Variants in BAIAP3 observed in about 807,000 individuals in gnomAD.
BAIAP3 encodes the protein BAI1-associated protein 3.
BAIAP3 carries 180 observed loss-of-function variants against 149.7 expected under a neutral mutation model. The ratio of observed to expected loss-of-function variants is 1.20; its 90% CI spans 1.07 to 1.36. The LOEUF (loss-of-function observed/expected upper bound fraction) is 1.36. BAIAP3 is among the 40% of genes most tolerant of loss of function. The pLI is 0.00. For missense variants in BAIAP3, 1,767 were observed against 1,563.4 expected (o/e 1.13, Z -2.20); for synonymous variants, 845 against 670.7 (o/e 1.26, Z -4.02).
At chr16:1,345,484 A>G (rs1344748410) in intron 22 of BAIAP3, 112 bp downstream of exon 22, 2 of 944,568 alleles carry the variant, frequency 2.1e-6, no homozygotes, top group Non-Finnish European at 1.3e-6. Flanking sequence ...CCGCCTCCCC[A>G]GCCTCCCCCT....
chr16:1,334,055 C>A (rs2033298456), intron 1 of BAIAP3, among the ~76,000 whole-genome samples: 1 of 151,798 alleles, frequency 6.6e-6, no homozygotes, highest in Admixed American at 6.6e-5. Context: ...GCGCTGGCGA[C>A]GGCCTCCCCC....
At position 1,342,551 on chromosome 16, in the gene BAIAP3, C is replaced by T. The variant is rs750754024; in HGVS notation, c.982C>T (p.Arg328Cys). 14 of 1,553,798 alleles carry T rather than the reference C, an allele frequency of 9.0e-6. No individual in the cohort carries two copies. Among genetic ancestry groups the T allele is most frequent in the South Asian group, 3.5e-5 (3 of 84,558 alleles). The part of the protein sequence containing the change: ...VREVPVAGVD[R>C]WFKLEPRSSA... ...GGAGGTGCCTGTGGCTGGCGTCGAC[C>T]GCTGGTTCAAGCTGGAGCCACGCTC... Residue 328 changes from arginine (R) to cysteine (C), a missense_variant, in exon 12 of 34, where the codon CGC (arginine) becomes TGC (cysteine). Physicochemically the swap from Arg to Cys is radical, Grantham distance 180 (BLOSUM62 -3). Transcript: ENST00000426824.
intron 1 of BAIAP3, among the ~76,000 whole-genome samples, chr16:1,337,784 C>T (rs572887560): frequency 3.2e-4 from 49 of 152,328 alleles, no homozygotes; most frequent in Middle Eastern, 3.4e-3. Context: ...GCCCCTACAC[C>T]CGGCATTTTC....
In BAIAP3 at chr16:1,339,561, C is replaced by T. The variant is rs1334800128; in HGVS notation, c.366C>T (p.Asp122=). 4 of 1,612,652 alleles carry T rather than the reference C, an allele frequency of 2.5e-6. No homozygotes were observed. Among genetic ancestry groups the T allele is most frequent in the Admixed American group, 1.7e-5 (1 of 59,982 alleles). The part of the protein sequence containing the change: ...VLYRAGTMGP[D]QVDDEEALLS... ...ACCGCGCGGGTACCATGGGCCCTGA[C>T]CAGGTGGACGACGAGGAGGCCCTGC... Residue 122 remains aspartate, a synonymous_variant, in exon 5 of 34, where the codon GAC becomes GAT. Coordinates refer to ENST00000426824, the MANE Select transcript of BAIAP3 (RefSeq NM_001199097.2).
intron 1 of BAIAP3, chr16:1,334,580 C>G (rs1567154137): frequency 1.5e-6 from 2 of 1,374,106 alleles, no homozygotes; most frequent in Non-Finnish European, 2.0e-6. Context: ...GCGGCTGGAC[C>G]TTGGCAGCCG....
At chr16:1,333,782 GGCC>G (rs1308844638) in intron 1 of BAIAP3, 33 bp downstream of exon 1, 1 of 151,976 alleles carries the variant, frequency 6.6e-6, no homozygotes, top group African/African-American at 2.4e-5. Flanking sequence ...AGTGCTGTTG[GGCC>G]GCCGTCTGGG....
intron 9 of BAIAP3, 26 bp from the exon 10 acceptor site, chr16:1,341,960 G>A: frequency 6.3e-7 from 1 of 1,584,214 alleles, no homozygotes; most frequent in Non-Finnish European, 8.6e-7. Context: ...CTCCAGACAA[G>A]CCAGGTCCTC....
At position 1,342,875 on chromosome 16, in the gene BAIAP3, C is replaced by T. The variant is rs1260835523; in HGVS notation, c.1162-38C>T. 6 of 1,611,712 alleles carry T rather than the reference C, an allele frequency of 3.7e-6. No individual in the cohort carries two copies. In the African/African-American group the frequency reaches 8.0e-5, roughly 22 times the overall value. On this transcript the variant is annotated intron_variant, in intron 13 of 33. Transcript: ENST00000426824. ...GGGGGCCTGAGGAGGGGATGTGGGG[C>T]TGTCCCGCCTCCACCCACGACAGAC...
rs1312138541 is a variant in BAIAP3, at chr16:1,349,000, G to C, written c.*518G>C. ...GGGCAGGTGAGTCAAGAACCGCATA[G>C]GTCTCCAGTCCCCACGGGGCTCCCA... On this transcript the variant is annotated 3_prime_UTR_variant, in exon 34 of 34. Transcript: ENST00000426824. 8 of 280,352 alleles carry C rather than the reference G, an allele frequency of 2.9e-5. No individual in the cohort carries two copies. Among genetic ancestry groups the C allele is most frequent in the Admixed American group, 1.0e-4 (2 of 19,836 alleles). 17.4% of individuals were successfully genotyped at this position (280,352 alleles called of 1,614,324 possible).
In BAIAP3 at chr16:1,339,674, A is replaced by G. The variant is rs945365408; in HGVS notation, c.408+71A>G. On this transcript the variant is annotated intron_variant, in intron 5 of 33. Coordinates refer to ENST00000426824, the MANE Select transcript of BAIAP3 (RefSeq NM_001199097.2). ...CTCAACCCCTTCCCCACCCACTGAC[A>G]CCATCATCACCCAAACAGTATGCAG... The G allele has an allele frequency of 2.2e-5, 26 of 1,176,742 alleles. No homozygotes were observed. In the Admixed American group the frequency reaches 4.9e-4, roughly 22 times the overall value. The allele number at this position is 1,176,742 out of a possible 1,614,324, so 72.9% of individuals were successfully genotyped here.
In BAIAP3 at chr16:1,341,848, A is replaced by G. The variant is rs943913519; in HGVS notation, c.758A>G (p.Gln253Arg). The G allele has an allele frequency of 6.2e-7, 1 of 1,612,424 alleles. No homozygotes were observed. The highest frequency in any genetic ancestry group is 8.5e-7 in the Non-Finnish European group (1 of 1,179,786). The change falls in exon 9 of 34, where the codon CAG becomes CGG. Residue 253 changes from glutamine (Q) to arginine (R), a missense_variant. By Grantham distance (43) the Gln-to-Arg change is conservative (BLOSUM62 1). Coordinates refer to ENST00000426824, the MANE Select transcript of BAIAP3 (RefSeq NM_001199097.2). ...LFEIEDVSTD[Q>R]LHLDIWDHDD... is the part of the protein sequence containing the mutation. ...GAGATTGAGGATGTGAGCACGGACC[A>G]GCTGCACCTGGACATCTGGTACAGG... is the stretch of plus-strand genomic sequence containing the variant.
chr16:1,336,308 C>T (rs2033452970), intron 1 of BAIAP3: 2 of 985,304 alleles, frequency 2.0e-6, no homozygotes, highest in South Asian at 9.4e-5. Flanking sequence ...GTGGGGGTGA[C>T]AGCTTCCAGA....
chr16:1,338,075 C>T (rs774917969), intron 1 of BAIAP3, among the ~76,000 whole-genome samples: 4 of 152,186 alleles, frequency 2.6e-5, no homozygotes, highest in African/African-American at 9.6e-5. Flanking sequence ...ACCTGGCATC[C>T]GTCCTGGCCC....
Position 1,341,808 on chromosome 16 carries a change from T to C in BAIAP3, c.732-14T>C, listed in dbSNP as rs753462316. ...CGCCGGGGACCCTCATGGGCATCTC[T>C]GTTCTCCTTGTAGCGAGATTGAGGA... On this transcript the variant is annotated splice_polypyrimidine_tract_variant and intron_variant, in intron 8 of 33. Coordinates refer to ENST00000426824, the MANE Select transcript of BAIAP3 (RefSeq NM_001199097.2). 146 of 1,611,824 alleles carry C rather than the reference T, an allele frequency of 9.1e-5. No individual in the cohort carries two copies. Among genetic ancestry groups the C allele is most frequent in the Non-Finnish European group, 1.2e-4 (141 of 1,179,546 alleles).
At position 1,346,854 on chromosome 16, in the gene BAIAP3, G is replaced by A. The variant is rs1481782233; in HGVS notation, c.2650G>A (p.Glu884Lys). ...ACTGATGCTGCCCTGCAGGGTGCTGGAGGCCCTGTGGGAGCTACTCCTCCA... is the reference window on the plus strand; with the variant it reads ...ACTGATGCTGCCCTGCAGGGTGCTGAAGGCCCTGTGGGAGCTACTCCTCCA... ...LVKGNLSRVL[E>K]ALWELLLQAI... Residue 884 changes from glutamate to lysine, a missense_variant, in exon 28 of 34, where the codon GAG becomes AAG. Coordinates refer to ENST00000426824, the MANE Select transcript of BAIAP3 (RefSeq NM_001199097.2). 1 of 1,603,238 alleles carries A rather than the reference G, an allele frequency of 6.2e-7. No homozygotes were observed. The highest frequency in any genetic ancestry group is 2.2e-5 in the East Asian group (1 of 44,670).
rs116274850 is a variant in BAIAP3, at chr16:1,346,908, C to T, written c.2704C>T (p.Arg902Cys). The T allele has an allele frequency of 5.0e-4, 798 of 1,611,568 alleles. No homozygotes were observed. Among genetic ancestry groups the T allele is most frequent in the Admixed American group, 1.3e-3 (76 of 59,958 alleles). The change falls in exon 28 of 34, where the codon CGT becomes TGT. Residue 902 changes from arginine (R) to cysteine (C), a missense_variant. Physicochemically the swap from Arg to Cys is radical, Grantham distance 180 (BLOSUM62 -3). Transcript: ENST00000426824. ...CATTCTGCAGGCGCTGGGTGCAAAC[C>T]GTGACGTCTCTGCTGATTTCTACAG... ...QAILQALGANRDVSADFYSRF... is the reference protein window; with the variant it reads ...QAILQALGANCDVSADFYSRF...
rs1335562015 is a variant in BAIAP3, at chr16:1,348,240, G to C, written c.3294G>C (p.Val1098=). 12 of 1,605,400 alleles carry C rather than the reference G, an allele frequency of 7.5e-6. No individual in the cohort carries two copies. Among genetic ancestry groups the C allele is most frequent in the Non-Finnish European group, 1.0e-5 (12 of 1,178,162 alleles). Residue 1098 remains valine, a synonymous_variant, in exon 33 of 34, where the codon GTG becomes GTC. Coordinates refer to ENST00000426824, the MANE Select transcript of BAIAP3 (RefSeq NM_001199097.2). ...TCACTGGTGTCGCCCGGCCCCAGGT[G>C]GGCGGGGGTGCAAGGGCTGGGCAGC... The part of the protein sequence containing the change: ...GGVTGVARPQ[V]GGGARAGQPV...
Position 1,341,864 on chromosome 16 carries a change from C to G in BAIAP3, c.774C>G (p.Ile258Met). 1 of 1,612,366 alleles carries G rather than the reference C, an allele frequency of 6.2e-7. No individual in the cohort carries two copies. The highest frequency in any genetic ancestry group is 8.5e-7 in the Non-Finnish European group (1 of 1,179,770). The change falls in exon 9 of 34, where the codon ATC becomes ATG. Residue 258 changes from isoleucine to methionine, a missense_variant and splice_region_variant. Ile to Met is a conservative substitution (Grantham distance 10). Coordinates refer to ENST00000426824, the MANE Select transcript of BAIAP3 (RefSeq NM_001199097.2). ...GCACGGACCAGCTGCACCTGGACAT[C>G]TGGTACAGGCCCCTGCGCCATGCAG... ...DVSTDQLHLD[I>M]WDHDDDVSLV...
rs1287820124 is a variant in BAIAP3 at position 1,341,152 on chromosome 16, C to T, written c.492C>T (p.Val164=). ...KAKAPTYALK[V]SVMRAKNLLA... Reference sequence around the variant, plus strand: ...AGGCCCCCACGTATGCCCTGAAAGTCTCTGTCATGCGTGCCAAGAACCTTC... The same window carrying T: ...AGGCCCCCACGTATGCCCTGAAAGTTTCTGTCATGCGTGCCAAGAACCTTC... The change falls in exon 7 of 34, where the codon GTC becomes GTT. Residue 164 remains valine (V), a synonymous_variant. Coordinates refer to ENST00000426824, the MANE Select transcript of BAIAP3 (RefSeq NM_001199097.2). 6.2e-7 allele frequency: 1 copy of T among 1,612,746 alleles called. No homozygotes were observed. Among genetic ancestry groups the T allele is most frequent in the Non-Finnish European group, 8.5e-7 (1 of 1,179,836 alleles).
Sources: gnomAD v4.1 joint callset for allele counts (sites outside exome capture counted in the v4.1 genomes callset) on GRCh38, gnomAD v4.1.1 for gene constraint, MANE v1.5 for transcripts, NCBI Gene and HGNC (gene_info 2026-07-23, HGNC 2026-07-21) for gene names.